The following MYO9A variants were observed in gnomAD, a reference collection of about 807,000 sequenced individuals.
MYO9A encodes myosin IXA.
A neutral mutation model predicts 293.3 loss-of-function variants in MYO9A; 103 were observed. The ratio of observed to expected loss-of-function variants is 0.35; its 90% CI spans 0.30 to 0.41. MYO9A has a LOEUF of 0.41. Ranked by LOEUF, MYO9A falls within the 10% of genes least tolerant of loss-of-function variation. The pLI, the probability that MYO9A is intolerant of heterozygous loss-of-function variation, is 1.00. For synonymous variants in MYO9A, 1,001 were observed against 1,035.7 expected (o/e 0.97, Z 0.64); for missense variants, 2,685 against 3,033.0 (o/e 0.89, Z 2.69).
intron 12 of MYO9A, among the ~76,000 whole-genome samples, chr15:71,972,770 G>C (rs2076045487): frequency 6.6e-6 from 1 of 152,138 alleles, no homozygotes; most frequent in African/African-American, 2.4e-5. Flanking sequence ...AAGGATAAAA[G>C]GGTAGAAGAT....
At chr15:72,047,577 T>A (rs1051060501) in intron 1 of MYO9A, among the ~76,000 whole-genome samples, 2 of 152,054 alleles carry the variant, frequency 1.3e-5, no homozygotes, top group Non-Finnish European at 2.9e-5. Context: ...TCCATTCCTG[T>A]CTTCTACTGA....
chr15:71,854,523 C>T lies in MYO9A; in HGVS notation c.6200G>A (p.Arg2067His), dbSNP rs747452822. The change falls in exon 35 of 42, where the codon CGT becomes CAT. Residue 2067 changes from arginine to histidine, a missense_variant. By Grantham distance (29) the Arg-to-His change is conservative. Coordinates refer to ENST00000356056, the MANE Select transcript of MYO9A (RefSeq NM_006901.4). Reference protein sequence around the residue: ...SSRQFGVELSRLTSEDRTVPL... With the variant: ...SSRQFGVELSHLTSEDRTVPL... ...AACAGTTCGGTCTTCACTGGTCAAACGGGACAGTTCAACCCCAAATTGTCG... is the reference window on the plus strand; with the variant it reads ...AACAGTTCGGTCTTCACTGGTCAAATGGGACAGTTCAACCCCAAATTGTCG... 18 of 1,609,870 alleles carry T rather than the reference C, an allele frequency of 1.1e-5. No individual in the cohort carries two copies. Among genetic ancestry groups the T allele is most frequent in the African/African-American group, 2.7e-5 (2 of 74,750 alleles).
At chr15:72,050,947 C>T (rs971735569) in intron 1 of MYO9A, among the ~76,000 whole-genome samples, 18 of 152,224 alleles carry the variant, frequency 1.2e-4, no homozygotes, top group African/African-American at 2.7e-4. Flanking sequence ...TGAAAGTGTA[C>T]TCACATAGTT....
chr15:71,967,047 T>A (rs764629990), intron 13 of MYO9A, among the ~76,000 whole-genome samples: 1 of 152,206 alleles, frequency 6.6e-6, no homozygotes, highest in Non-Finnish European at 1.5e-5. Flanking sequence ...TCATCCGAAC[T>A]CCTCATCAAG....
chr15:71,912,463 C>T (rs190744932), intron 19 of MYO9A, among the ~76,000 whole-genome samples: 7 of 152,246 alleles, frequency 4.6e-5, no homozygotes, highest in Admixed American at 3.9e-4. Flanking sequence ...ACCATGTTGG[C>T]CAGGCTGGTC....
rs2057586893 is a variant in MYO9A, at chr15:71,904,912, T to C, written c.2766+14A>G. On this transcript the variant is annotated intron_variant, in intron 20 of 41. Coordinates refer to ENST00000356056, the MANE Select transcript of MYO9A (RefSeq NM_006901.4). Reference sequence around the variant, plus strand: ...AAGCTGAGATATGTGCTCTCATTTATAGGACATTTTTACCTTTTCAGCATT... The same window carrying C: ...AAGCTGAGATATGTGCTCTCATTTACAGGACATTTTTACCTTTTCAGCATT... The C allele has an allele frequency of 5.0e-6, 8 of 1,584,548 alleles. No homozygotes were observed. Among genetic ancestry groups the C allele is most frequent in the Non-Finnish European group, 2.6e-6 (3 of 1,158,368 alleles).
rs1183059473 is a variant in MYO9A at position 71,852,263 on chromosome 15, A to G, written c.6347-3T>C. The G allele has an allele frequency of 1.9e-6, 3 of 1,601,014 alleles. No homozygotes were observed. The highest frequency in any genetic ancestry group is 2.6e-6 in the Non-Finnish European group (3 of 1,170,746). ...ATCTAGATTTACACTCTCAGCATCT[A>G]TTTAGAGACAAGAGTTAGATTAACA... On this transcript the variant is annotated splice_region_variant and splice_polypyrimidine_tract_variant and intron_variant, in intron 35 of 41. Coordinates refer to ENST00000356056, the MANE Select transcript of MYO9A (RefSeq NM_006901.4).
At chr15:71,887,771 A>G (rs1213138055) in intron 27 of MYO9A, among the ~76,000 whole-genome samples, 1 of 152,108 alleles carries the variant, frequency 6.6e-6, no homozygotes, top group Non-Finnish European at 1.5e-5. Flanking sequence ...TGTCCCAACT[A>G]TGAACTTATG....
rs1025192266 is a variant in MYO9A, at chr15:72,091,260, C to A, written c.-72+26420G>T. On this transcript the variant is annotated intron_variant, in intron 1 of 41. Coordinates refer to ENST00000356056, the MANE Select transcript of MYO9A (RefSeq NM_006901.4). ...TCATTGATACAAATAGTTAATATAA[C>A]AAATTTACTGAATTTTACAAACAAA... Among the ~76,000 whole-genome samples the A allele has an allele frequency of 4.8e-4, 72 of 151,336 alleles. 1 individual carries two copies. Among genetic ancestry groups the A allele is most frequent in the African/African-American group, 1.5e-3 (63 of 41,278 alleles).
At chr15:71,880,044 A>C (rs1423609851) in intron 29 of MYO9A, among the ~76,000 whole-genome samples, 3 of 152,174 alleles carry the variant, frequency 2.0e-5, no homozygotes, top group Non-Finnish European at 4.4e-5. Flanking sequence ...ACATTGTATG[A>C]TTCTATAGTT....
intron 6 of MYO9A, 61 bp downstream of exon 6, chr15:72,018,978 C>T: frequency 7.7e-7 from 1 of 1,307,132 alleles, no homozygotes; most frequent in South Asian, 1.2e-5. Flanking sequence ...CAGATGGATG[C>T]AAATGCGCAA....
At chr15:72,074,794 A>C (rs2079294919) in intron 1 of MYO9A, among the ~76,000 whole-genome samples, 1 of 152,148 alleles carries the variant, frequency 6.6e-6, no homozygotes, top group Non-Finnish European at 1.5e-5. Context: ...ATCCTCCCTT[A>C]AAACACTTGA....
intron 8 of MYO9A, 49 bp from the exon 9 acceptor site, chr15:71,999,989 T>C (rs542589158): frequency 3.4e-6 from 5 of 1,469,894 alleles, no homozygotes; most frequent in African/African-American, 2.8e-5. Flanking sequence ...TGACAATAGG[T>C]TGAATTATCT....
At chr15:72,093,138 T>C (rs1367185380) in intron 1 of MYO9A, among the ~76,000 whole-genome samples, 2 of 151,906 alleles carry the variant, frequency 1.3e-5, no homozygotes, top group African/African-American at 4.8e-5. Flanking sequence ...TTAGAAAAGA[T>C]CACATAGAGA....
chr15:72,002,309 G>T (rs929961433), intron 8 of MYO9A, among the ~76,000 whole-genome samples: 1 of 150,340 alleles, frequency 6.7e-6, no homozygotes, highest in Admixed American at 6.7e-5. Flanking sequence ...GTGCAATGGC[G>T]CAATCCTGGC....
chr15:72,077,746 AAAAAAAATATATATAT>A (rs1336421536), intron 1 of MYO9A, among the ~76,000 whole-genome samples: 17 of 42,494 alleles, frequency 4.0e-4, no homozygotes, highest in African/African-American at 1.0e-3. Flanking sequence ...AAAAAAAAAA[AAAAAAAATATATATAT>A]ATATATATAT....
In MYO9A at chr15:71,978,312, AAAT is replaced by A; in HGVS notation, c.1723-23_1723-21del. The A allele has an allele frequency of 6.3e-7, 1 of 1,586,588 alleles. No individual in the cohort carries two copies. Among genetic ancestry groups the A allele is most frequent in the African/African-American group, 1.4e-5 (1 of 73,566 alleles). On this transcript the variant is annotated intron_variant, in intron 11 of 41. Coordinates refer to ENST00000356056, the MANE Select transcript of MYO9A (RefSeq NM_006901.4). Reference sequence around the variant, plus strand: ...TTCCTCCTAGAAAAACCAAAAAATAAAATAACAATTTATTCATCTTGCAGAAAA... The same window carrying A: ...TTCCTCCTAGAAAAACCAAAAAATAAAACAATTTATTCATCTTGCAGAAAA...
At chr15:71,916,608 G>A in intron 18 of MYO9A, 116 bp from the exon 19 acceptor site, 3 of 982,396 alleles carry the variant, frequency 3.1e-6, no homozygotes, top group South Asian at 1.7e-5. Flanking sequence ...TTAAATGACT[G>A]TAGTGAATAT....
chr15:71,894,934 T>C (rs2057281275), intron 25 of MYO9A, among the ~76,000 whole-genome samples: 1 of 152,204 alleles, frequency 6.6e-6, no homozygotes, highest in African/African-American at 2.4e-5. Context: ...AGGATAGTGC[T>C]AGCTAAAATT....
Sources: gnomAD v4.1 joint callset for allele counts (sites outside exome capture counted in the v4.1 genomes callset) on GRCh38, gnomAD v4.1.1 for gene constraint, MANE v1.5 for transcripts, NCBI Gene and HGNC (gene_info 2026-07-23, HGNC 2026-07-21) for gene names.